SLC4A4: variants seen among roughly 807,000 people sequenced by gnomAD.
SLC4A4 encodes the protein solute carrier family 4 member 4.
A neutral mutation model predicts 111.5 loss-of-function variants in SLC4A4; 27 were observed. The ratio of observed to expected loss-of-function variants is 0.24; its 90% CI spans 0.18 to 0.33. The LOEUF (loss-of-function observed/expected upper bound fraction) is 0.33, where lower values mean the gene tolerates loss of function less well. Ranked by LOEUF, SLC4A4 falls within the 10% of genes least tolerant of loss-of-function variation. The probability of loss-of-function intolerance (pLI) is 1.00; values close to 1 mark genes in which losing one functional copy is unlikely to be tolerated. For synonymous variants in SLC4A4, 443 were observed against 463.4 expected, an observed-to-expected ratio of 0.96 and a Z score of 0.57; for missense variants, 909 against 1,315.5, an observed-to-expected ratio of 0.69 and a Z score of 4.78.
chr4:71,376,662 C>G (rs776961381), intron 6 of SLC4A4, among the ~76,000 whole-genome samples: 1 of 150,006 alleles, frequency 6.7e-6, no homozygotes, highest in Non-Finnish European at 1.5e-5. Flanking sequence ...GAGTTGGAGT[C>G]TCACTTACTC....
At chr4:71,080,222 A>G (rs1465285429) in intron 1 of SLC4A4, among the ~76,000 whole-genome samples, 1 of 151,970 alleles carries the variant, frequency 6.6e-6, no homozygotes, top group African/African-American at 2.4e-5. Context: ...ATGTGTTTAT[A>G]CCTGTGCAAG....
chr4:71,402,596 A>AT (rs1720466074), intron 7 of SLC4A4, among the ~76,000 whole-genome samples: 1 of 152,248 alleles, frequency 6.6e-6, no homozygotes, highest in Admixed American at 6.5e-5. Flanking sequence ...GCAGTGAGAC[A>AT]TTGCTGTGTT....
chr4:71,217,523 A>G lies in SLC4A4; in HGVS notation c.-1-19053A>G, dbSNP rs144285781. On this transcript the variant is annotated intron_variant, in intron 1 of 25. Transcript: ENST00000264485. Reference sequence around the variant, plus strand: ...GATTGTCATGAGCTGAGATCGTGTCACTGCACTCCAGCCTGGGTGACAGAG... The same window carrying G: ...GATTGTCATGAGCTGAGATCGTGTCGCTGCACTCCAGCCTGGGTGACAGAG... 8.4e-3 allele frequency among the ~76,000 whole-genome samples: 1,273 copies of G among 152,294 alleles called. 10 individuals are homozygous for G. Among genetic ancestry groups the G allele is most frequent in the Non-Finnish European group, 0.013 (903 of 67,992 alleles).
At chr4:71,126,766 A>G (rs1452648742) in intron 2 of SLC4A4, among the ~76,000 whole-genome samples, 2 of 152,220 alleles carry the variant, frequency 1.3e-5, no homozygotes, top group Non-Finnish European at 2.9e-5. Context: ...AATTTCACAT[A>G]TCTTATGACT....
At chr4:71,523,042 A>G (rs1210042910) in intron 16 of SLC4A4, among the ~76,000 whole-genome samples, 1 of 152,240 alleles carries the variant, frequency 6.6e-6, no homozygotes, top group African/African-American at 2.4e-5. Context: ...GGTTATAAAC[A>G]GCCCTTTACA....
At position 71,377,512 on chromosome 4, in the gene SLC4A4, T is replaced by A. The variant is rs145674123; in HGVS notation, c.731-20065T>A. Among the ~76,000 whole-genome samples, 58 of 152,252 alleles carry A rather than the reference T, an allele frequency of 3.8e-4. No individual in the cohort carries two copies. In the East Asian group the frequency reaches 0.011, roughly 29 times the overall value. On this transcript the variant is annotated intron_variant, in intron 6 of 25. Transcript: ENST00000264485. ...GGTCTTCCTGACTTTCTGTCTTTGCTGGTTTCATGACAAGTCATGAAGAAT... is the reference window on the plus strand; with the variant it reads ...GGTCTTCCTGACTTTCTGTCTTTGCAGGTTTCATGACAAGTCATGAAGAAT...
intron 1 of SLC4A4, among the ~76,000 whole-genome samples, chr4:71,197,644 G>T (rs894522753): frequency 6.6e-5 from 10 of 152,148 alleles, no homozygotes; most frequent in African/African-American, 2.4e-4. Flanking sequence ...CCTAATGGGT[G>T]CAGCACACCA....
intron 1 of SLC4A4, among the ~76,000 whole-genome samples, chr4:71,064,591 C>A (rs1741466695): frequency 6.6e-6 from 1 of 152,160 alleles, no homozygotes; most frequent in Admixed American, 6.5e-5. Context: ...AAAAGCAATG[C>A]AGATGGAAGG....
chr4:71,356,912 A>G (rs934696255), intron 5 of SLC4A4, 96 bp from the exon 6 acceptor site: 4 of 1,109,092 alleles, frequency 3.6e-6, no homozygotes, highest in Non-Finnish European at 5.3e-6. Context: ...ATATCTTGCT[A>G]TTAAATTTGA....
At chr4:71,122,818 C>T (rs935322334) in intron 2 of SLC4A4, among the ~76,000 whole-genome samples, 9 of 152,130 alleles carry the variant, frequency 5.9e-5, no homozygotes, top group Non-Finnish European at 1.2e-4. Flanking sequence ...TTCGTATACA[C>T]AGGACTTTCA....
intron 16 of SLC4A4, among the ~76,000 whole-genome samples, chr4:71,505,145 G>A (rs999247930): frequency 6.6e-6 from 1 of 152,102 alleles, no homozygotes; most frequent in East Asian, 1.9e-4. Flanking sequence ...GGGCTTTTAG[G>A]TTGATTCCAT....
At chr4:71,343,021 T>C (rs1729018313) in intron 4 of SLC4A4, among the ~76,000 whole-genome samples, 1 of 152,198 alleles carries the variant, frequency 6.6e-6, no homozygotes, top group African/African-American at 2.4e-5. Flanking sequence ...ATGTATGTGA[T>C]ATTATTGTTT....
At chr4:71,119,115 C>A (rs528306851) in intron 2 of SLC4A4, among the ~76,000 whole-genome samples, 1 of 152,218 alleles carries the variant, frequency 6.6e-6, no homozygotes, top group East Asian at 1.9e-4. Context: ...ATGTACCACT[C>A]TGGTATGGGT....
At chr4:71,554,438 A>G (rs995409646) in intron 20 of SLC4A4, among the ~76,000 whole-genome samples, 1 of 151,888 alleles carries the variant, frequency 6.6e-6, no homozygotes, top group Admixed American at 6.6e-5. Context: ...GTTTACAGAC[A>G]TCACTTCTCC....
Position 71,083,333 on chromosome 4 carries a change from G to A in SLC4A4, c.-64-9397G>A, listed in dbSNP as rs1192204926. On this transcript the variant is annotated intron_variant, in intron 1 of 26. Transcript: ENST00000649996. ...TTTTTTCCATGTTCATACATTAGAT[G>A]TAATTCATTCATTTAAACTACTGTA... 2.7e-5 allele frequency among the ~76,000 whole-genome samples: 4 copies of A among 150,496 alleles called. No individual in the cohort carries two copies. In the East Asian group the frequency reaches 7.7e-4, roughly 29 times the overall value.
At chr4:71,510,467 T>C (rs1238257105) in intron 16 of SLC4A4, among the ~76,000 whole-genome samples, 2 of 152,252 alleles carry the variant, frequency 1.3e-5, no homozygotes, top group Admixed American at 1.3e-4. Context: ...TGTCTTCTTA[T>C]GAATTGATCC....
intron 25 of SLC4A4, 69 bp from the exon 26 acceptor site, chr4:71,567,719 C>A (rs1384445083): frequency 1.1e-5 from 8 of 700,680 alleles, no homozygotes; most frequent in Non-Finnish European, 1.5e-5. Flanking sequence ...CTATACAATG[C>A]ATAAACATTT....
chr4:71,380,645 T>C (rs1718049777), intron 6 of SLC4A4, among the ~76,000 whole-genome samples: 5 of 152,168 alleles, frequency 3.3e-5, no homozygotes, highest in Non-Finnish European at 1.5e-5. Context: ...AAGAAATAAA[T>C]CACTGGTGTT....
At chr4:71,085,306 C>A (rs1232706828) in intron 1 of SLC4A4, among the ~76,000 whole-genome samples, 1 of 151,890 alleles carries the variant, frequency 6.6e-6, no homozygotes, top group Admixed American at 6.6e-5. Flanking sequence ...TGGATATTAG[C>A]CCTTTGTCAG....
Sources: allele counts gnomAD v4.1 joint callset (sites outside exome capture counted in the v4.1 genomes callset), GRCh38; gene constraint gnomAD v4.1.1; transcripts MANE v1.5; gene names NCBI Gene and HGNC (gene_info 2026-07-23, HGNC 2026-07-21).